Variants in MAGI2 observed in about 807,000 individuals in gnomAD.
The protein encoded by MAGI2 is membrane associated guanylate kinase, WW and PDZ domain containing 2.
MAGI2 carries 35 observed loss-of-function variants against 133.3 expected under a neutral mutation model. The observed-to-expected ratio is 0.26, with a 90% confidence interval of 0.20 to 0.35. MAGI2 has a LOEUF of 0.35. Ranked by LOEUF, MAGI2 falls within the 10% of genes least tolerant of loss-of-function variation. The probability of loss-of-function intolerance (pLI) is 1.00; values close to 1 mark genes in which losing one functional copy is unlikely to be tolerated. For synonymous variants in MAGI2, 729 were observed against 710.6 expected (o/e 1.03, Z -0.41); for missense variants, 1,636 against 1,863.4 (o/e 0.88, Z 2.25).
intron 3 of MAGI2, among the ~76,000 whole-genome samples, chr7:78,588,668 G>A (rs1287323119): frequency 6.6e-6 from 1 of 152,162 alleles, no homozygotes; most frequent in Non-Finnish European, 1.5e-5. Flanking sequence ...TAGCAATGTA[G>A]GTGTGCTGGC....
At chr7:78,723,910 C>A (rs1237627654) in intron 2 of MAGI2, among the ~76,000 whole-genome samples, 1 of 152,066 alleles carries the variant, frequency 6.6e-6, no homozygotes, top group Admixed American at 6.6e-5. Flanking sequence ...CGAAGCCACA[C>A]TCGGGAATAA....
At chr7:78,035,745 TG>T (rs1405918486) in intron 21 of MAGI2, among the ~76,000 whole-genome samples, 2 of 126,044 alleles carry the variant, frequency 1.6e-5, no homozygotes, top group African/African-American at 3.0e-5. Flanking sequence ...ATGGCCTGAA[TG>T]TTTTTTTTTT....
At chr7:79,114,949 G>A (rs997306928) in intron 1 of MAGI2, among the ~76,000 whole-genome samples, 4 of 152,092 alleles carry the variant, frequency 2.6e-5, no homozygotes, top group African/African-American at 9.7e-5. Context: ...TTTCTTCCCC[G>A]AAGGCATCTT....
chr7:78,159,923 A>G, intron 16 of MAGI2, 102 bp downstream of exon 16: 2 of 1,427,988 alleles, frequency 1.4e-6, no homozygotes, highest in Non-Finnish European at 1.9e-6. Context: ...GCTATACAGT[A>G]TGTCCGTGAC....
chr7:78,860,460 A>T (rs915241974), intron 2 of MAGI2, among the ~76,000 whole-genome samples: 15 of 152,054 alleles, frequency 9.9e-5, no homozygotes, highest in African/African-American at 3.6e-4. Context: ...TTTTCCTTCT[A>T]ACAGTCAGGA....
At chr7:78,147,682 A>G (rs1299693615) in intron 16 of MAGI2, among the ~76,000 whole-genome samples, 1 of 152,160 alleles carries the variant, frequency 6.6e-6, no homozygotes, top group Non-Finnish European at 1.5e-5. Context: ...ATGCAGATGG[A>G]AAAAAGCACA....
intron 2 of MAGI2, among the ~76,000 whole-genome samples, chr7:78,760,251 G>A (rs184151975): frequency 3.3e-4 from 50 of 152,236 alleles, no homozygotes; most frequent in African/African-American, 9.6e-4. Context: ...TTGTCAGCTG[G>A]AGTGTAACAA....
rs771836695 is a variant in MAGI2, at chr7:78,343,922, C to T, written c.1264G>A (p.Gly422Arg). Residue 422 changes from glycine to arginine, a missense_variant, in exon 9 of 22, where the codon GGA (glycine) becomes AGA (arginine). Gly to Arg is a moderately radical substitution (Grantham distance 125). Around this residue, in one of 5 missense-constraint regions of MAGI2, gnomAD observed 920 missense variants for 1,093.5 expected, o/e 0.84. Transcript: ENST00000354212. ...LFTRDASQLK[G>R]TFLSTTLKKS... ...TTTAGGGTGGTGCTGAGGAATGTTCCCTTCAACTGGGATGCATCCCGGGTG... is the reference window on the plus strand; with the variant it reads ...TTTAGGGTGGTGCTGAGGAATGTTCTCTTCAACTGGGATGCATCCCGGGTG... The T allele has an allele frequency of 3.1e-6, 5 of 1,610,334 alleles. No individual in the cohort carries two copies.
intron 1 of MAGI2, among the ~76,000 whole-genome samples, chr7:79,167,961 C>G (rs905837041): frequency 2.0e-5 from 3 of 152,116 alleles, no homozygotes; most frequent in African/African-American, 7.2e-5. Context: ...CGTTCTTAAA[C>G]CACAAACAAT....
At chr7:78,185,801 T>C (rs78552618) in intron 12 of MAGI2, 131 bp from the exon 13 acceptor site, 2 of 565,714 alleles carry the variant, frequency 3.5e-6, no homozygotes, top group East Asian at 3.0e-5. Context: ...ACTTTTTTTT[T>C]CCTCTAAGAT....
chr7:78,509,731 AAAG>A (rs1424307098), intron 4 of MAGI2, among the ~76,000 whole-genome samples: 1 of 152,240 alleles, frequency 6.6e-6, no homozygotes, highest in Non-Finnish European at 1.5e-5. Flanking sequence ...CAGTTTCATT[AAAG>A]AATAACCAGA....
At chr7:79,450,911 T>C (rs1849194940) in intron 1 of MAGI2, among the ~76,000 whole-genome samples, 1 of 152,200 alleles carries the variant, frequency 6.6e-6, no homozygotes, top group East Asian at 1.9e-4. Flanking sequence ...CTTCATCCTT[T>C]CAAATTTCTC....
chr7:78,796,504 T>A (rs1787625618), intron 2 of MAGI2, among the ~76,000 whole-genome samples: 1 of 152,104 alleles, frequency 6.6e-6, no homozygotes, highest in South Asian at 2.1e-4. Flanking sequence ...GGTGAGGATG[T>A]AGAGAAAGGA....
At chr7:79,004,280 A>C (rs1807203680) in intron 2 of MAGI2, among the ~76,000 whole-genome samples, 1 of 152,222 alleles carries the variant, frequency 6.6e-6, no homozygotes, top group African/African-American at 2.4e-5. Flanking sequence ...TCAACCATAA[A>C]AAAAATAAAA....
intron 1 of MAGI2, among the ~76,000 whole-genome samples, chr7:79,365,622 C>T (rs1842649584): frequency 6.6e-6 from 1 of 151,792 alleles, no homozygotes; most frequent in South Asian, 2.1e-4. Flanking sequence ...CTTTGGGGGG[C>T]CGAGGCGGGC....
intron 9 of MAGI2, among the ~76,000 whole-genome samples, chr7:78,326,306 A>T (rs1219529761): frequency 6.6e-6 from 1 of 152,180 alleles, no homozygotes; most frequent in Non-Finnish European, 1.5e-5. Context: ...TCTGAATCAT[A>T]CTTCTGTGAA....
intron 5 of MAGI2, among the ~76,000 whole-genome samples, chr7:78,500,912 G>A (rs1230050576): frequency 2.0e-5 from 3 of 152,076 alleles, no homozygotes; most frequent in Non-Finnish European, 4.4e-5. Context: ...ACAAGGCAAA[G>A]CCCCACCTCT....
intron 1 of MAGI2, among the ~76,000 whole-genome samples, chr7:79,295,041 T>C (rs1836823586): frequency 6.6e-6 from 1 of 152,122 alleles, no homozygotes; most frequent in Non-Finnish European, 1.5e-5. Context: ...ACTGGCCATA[T>C]TGTGGTAGTT....
At chr7:78,093,337 C>G (rs1817410321) in intron 20 of MAGI2, among the ~76,000 whole-genome samples, 1 of 151,390 alleles carries the variant, frequency 6.6e-6, no homozygotes, top group Admixed American at 6.6e-5. Context: ...GCCTGTAATC[C>G]CAACTACTCT....
Sources: gnomAD v4.1 joint callset for allele counts (sites outside exome capture counted in the v4.1 genomes callset) on GRCh38, gnomAD v4.1.1 for gene constraint, gnomAD v4.1.1 regional missense constraint, MANE v1.5 for transcripts, NCBI Gene and HGNC (gene_info 2026-07-23, HGNC 2026-07-21) for gene names.